The following LRRC4C variants were observed in gnomAD, a reference collection of about 807,000 sequenced individuals.
LRRC4C encodes the protein leucine-rich repeat-containing protein 4C.
Under a neutral mutation model 33.6 loss-of-function variants are expected in LRRC4C, and 5 were observed. The observed-to-expected ratio is 0.15, with a 90% CI of 0.08 to 0.31. The LOEUF is 0.31. Among genes scored for constraint, LRRC4C ranks in the 10% least tolerant of loss-of-function variants. LRRC4C has a pLI of 1.00. For synonymous variants in LRRC4C, 329 were observed against 302.0 expected (o/e 1.09, Z -0.93); for missense variants, 560 against 796.7 (o/e 0.70, Z 3.58).
Position 40,235,292 on chromosome 11 carries a change from T to C in LRRC4C, c.-96+6227A>G, listed in dbSNP as rs572037946. Among the ~76,000 whole-genome samples, 4 of 152,360 alleles carry C rather than the reference T, an allele frequency of 2.6e-5. No individual in the cohort carries two copies. In the South Asian group the frequency reaches 6.2e-4, roughly 24 times the overall value. ...AACATTTAGCCCAATAGCTGGATTATAATGAATGCCCAATTAATGTTTTTG... is the reference window on the plus strand; with the variant it reads ...AACATTTAGCCCAATAGCTGGATTACAATGAATGCCCAATTAATGTTTTTG... On this transcript the variant is annotated intron_variant, in intron 5 of 6. Coordinates refer to ENST00000528697, the MANE Select transcript of LRRC4C (RefSeq NM_001258419.2).
intron 3 of LRRC4C, among the ~76,000 whole-genome samples, chr11:40,573,336 A>T (rs1275255162): frequency 6.6e-6 from 1 of 152,092 alleles, no homozygotes; most frequent in Non-Finnish European, 1.5e-5. Flanking sequence ...ATCTTCTCTT[A>T]ATTGGTTTAG....
chr11:40,988,556 T>C (rs1853241692), intron 1 of LRRC4C, among the ~76,000 whole-genome samples: 1 of 152,092 alleles, frequency 6.6e-6, no homozygotes, highest in Admixed American at 6.5e-5. Flanking sequence ...ACGCTGAGCC[T>C]ATGCACATTA....
At chr11:40,122,699 A>G (rs1192127290) in intron 6 of LRRC4C, among the ~76,000 whole-genome samples, 1 of 151,944 alleles carries the variant, frequency 6.6e-6, no homozygotes, top group Non-Finnish European at 1.5e-5. Flanking sequence ...CCTTTTTACA[A>G]TACACAAGGT....
At chr11:40,842,280 C>T (rs2135659265) in intron 2 of LRRC4C, among the ~76,000 whole-genome samples, 1 of 152,262 alleles carries the variant, frequency 6.6e-6, no homozygotes, top group African/African-American at 2.4e-5. Flanking sequence ...CCTCCTGCAT[C>T]CCAATGTGGA....
At chr11:40,881,362 C>A (rs1267784324) in intron 2 of LRRC4C, among the ~76,000 whole-genome samples, 1 of 152,096 alleles carries the variant, frequency 6.6e-6, no homozygotes, top group Non-Finnish European at 1.5e-5. Flanking sequence ...TTACTCATTT[C>A]TGAGGCCATT....
At chr11:40,806,333 T>C (rs1457589506) in intron 2 of LRRC4C, among the ~76,000 whole-genome samples, 1 of 152,222 alleles carries the variant, frequency 6.6e-6, no homozygotes, top group African/African-American at 2.4e-5. Flanking sequence ...CATCTATCTG[T>C]CCATGTCCAT....
intron 3 of LRRC4C, among the ~76,000 whole-genome samples, chr11:40,383,701 T>C (rs1056091586): frequency 1.3e-5 from 2 of 151,796 alleles, no homozygotes; most frequent in African/African-American, 4.8e-5. Context: ...TATTTATTTA[T>C]TTTTTTAATA....
intron 1 of LRRC4C, among the ~76,000 whole-genome samples, chr11:40,988,983 G>T (rs1853303602): frequency 6.6e-6 from 1 of 152,036 alleles, no homozygotes; most frequent in Non-Finnish European, 1.5e-5. Flanking sequence ...GCCTCCTAAA[G>T]TGCTAGGATT....
chr11:40,656,044 A>C (rs1202094388), intron 2 of LRRC4C, among the ~76,000 whole-genome samples: 1 of 152,120 alleles, frequency 6.6e-6, no homozygotes, highest in East Asian at 1.9e-4. Context: ...ACCTTCTACC[A>C]GGTCCCTCCC....
chr11:40,258,759 T>TA (rs1867433656), intron 4 of LRRC4C, among the ~76,000 whole-genome samples: 1 of 152,150 alleles, frequency 6.6e-6, no homozygotes, highest in African/African-American at 2.4e-5. Flanking sequence ...ATACTTTACT[T>TA]AAAACCCTGC....
In LRRC4C at chr11:40,407,019, C is replaced by T. The variant is rs549625931; in HGVS notation, c.-269-87298G>A. Among the ~76,000 whole-genome samples the T allele has an allele frequency of 3.3e-5, 5 of 152,140 alleles. No individual in the cohort carries two copies. In the East Asian group the frequency reaches 7.7e-4, roughly 24 times the overall value. On this transcript the variant is annotated intron_variant, in intron 3 of 6. Coordinates refer to ENST00000528697, the MANE Select transcript of LRRC4C (RefSeq NM_001258419.2). ...TTCCCTTGGTGCTTGTTTGCAAAGG[C>T]ATTTTTTTTGTCCTGTCTTTTACCT...
intron 3 of LRRC4C, among the ~76,000 whole-genome samples, chr11:40,362,498 A>T (rs1038800005): frequency 1.3e-5 from 2 of 152,076 alleles, no homozygotes. Flanking sequence ...GGCAGGTGGA[A>T]CACCTGAGGT....
chr11:40,952,910 T>A (rs1184144101), intron 1 of LRRC4C, among the ~76,000 whole-genome samples: 3 of 150,916 alleles, frequency 2.0e-5, no homozygotes, highest in Non-Finnish European at 3.0e-5. Context: ...TCTCTCTCTC[T>A]CTCTCTCTCT....
At chr11:40,353,810 G>A (rs1947528437) in intron 3 of LRRC4C, among the ~76,000 whole-genome samples, 1 of 152,152 alleles carries the variant, frequency 6.6e-6, no homozygotes, top group Non-Finnish European at 1.5e-5. Context: ...CCTCTAAACA[G>A]CTGTTCTGAA....
chr11:41,433,059 T>C (rs1425878053), intron 1 of LRRC4C, among the ~76,000 whole-genome samples: 1 of 152,108 alleles, frequency 6.6e-6, no homozygotes, highest in African/African-American at 2.4e-5. Flanking sequence ...CTCCTCTCAA[T>C]GCCTCAATAA....
At chr11:41,176,598 T>A (rs1945208101) in intron 1 of LRRC4C, among the ~76,000 whole-genome samples, 1 of 152,026 alleles carries the variant, frequency 6.6e-6, no homozygotes, top group Non-Finnish European at 1.5e-5. Flanking sequence ...TGACAGTAAA[T>A]AAATAAGTAA....
intron 2 of LRRC4C, among the ~76,000 whole-genome samples, chr11:40,670,804 C>T (rs1426076142): frequency 6.6e-6 from 1 of 152,158 alleles, no homozygotes; most frequent in Non-Finnish European, 1.5e-5. Flanking sequence ...CGCTCTGTCG[C>T]CCAGGCTGGA....
intron 1 of LRRC4C, among the ~76,000 whole-genome samples, chr11:41,044,515 T>C (rs2138031689): frequency 6.6e-6 from 1 of 152,240 alleles, no homozygotes; most frequent in Admixed American, 6.5e-5. Flanking sequence ...TAGGTCTTGG[T>C]GAGAATAACA....
At chr11:40,857,993 G>A (rs1953878150) in intron 2 of LRRC4C, among the ~76,000 whole-genome samples, 1 of 97,578 alleles carries the variant, frequency 1.0e-5, no homozygotes, top group Admixed American at 1.3e-4. Context: ...GAAAGGGACA[G>A]GGACAGGGAC....
Sources: gnomAD v4.1 joint callset for allele counts (sites outside exome capture counted in the v4.1 genomes callset) on GRCh38, gnomAD v4.1.1 for gene constraint, MANE v1.5 for transcripts, NCBI Gene and HGNC (gene_info 2026-07-23, HGNC 2026-07-21) for gene names.